C10orf88: variants seen among roughly 807,000 people sequenced by gnomAD.
The protein encoded by C10orf88 is chromosome 10 open reading frame 88, also known as ATPase PAAT.
A neutral mutation model predicts 34.2 loss-of-function variants in C10orf88; 29 were observed. That is an observed-to-expected ratio of 0.85 (90% CI 0.63 to 1.16). The LOEUF is 1.16. Among genes scored for constraint, C10orf88 ranks in the 50% most tolerant of loss-of-function variants. The pLI is 0.00. For missense variants in C10orf88, 507 were observed against 533.2 expected (o/e 0.95, Z 0.48); for synonymous variants, 194 against 197.4 (o/e 0.98, Z 0.15).
intron 5 of C10orf88, among the ~76,000 whole-genome samples, chr10:122,935,504 G>A (rs1848526780): frequency 6.6e-6 from 1 of 151,992 alleles, no homozygotes; most frequent in African/African-American, 2.4e-5. Flanking sequence ...CTATGCCTCT[G>A]ACAATAACAC....
chr10:122,939,130 A>C (rs571982292), intron 4 of C10orf88, among the ~76,000 whole-genome samples: 13 of 152,138 alleles, frequency 8.5e-5, no homozygotes, highest in African/African-American at 2.6e-4. Flanking sequence ...AACAACATTA[A>C]TTTATTCAAC....
chr10:122,948,503 A>T, intron 4 of C10orf88, 146 bp downstream of exon 4: 1 of 741,216 alleles, frequency 1.3e-6, no homozygotes, highest in Non-Finnish European at 2.1e-6. Flanking sequence ...AGAAGGGCAA[A>T]TCTAACAAAT....
At chr10:122,949,844 T>A (rs1210834130) in intron 3 of C10orf88, among the ~76,000 whole-genome samples, 1 of 152,178 alleles carries the variant, frequency 6.6e-6, no homozygotes, top group Admixed American at 6.5e-5. Flanking sequence ...TAAAATGCAA[T>A]CCTTTCAAAT....
intron 4 of C10orf88, among the ~76,000 whole-genome samples, chr10:122,945,360 T>A (rs935448787): frequency 6.6e-6 from 1 of 152,218 alleles, no homozygotes; most frequent in African/African-American, 2.4e-5. Context: ...TGTTGCTGGT[T>A]TATGTATTTA....
Position 122,949,985 on chromosome 10 carries a change from T to C in C10orf88, c.442-1130A>G, listed in dbSNP as rs115146650. On this transcript the variant is annotated intron_variant, in intron 3 of 5. Coordinates refer to ENST00000481909, the MANE Select transcript of C10orf88 (RefSeq NM_024942.4). ...ATTAGTAAAGAACCAGCTTGAAACC[T>C]ATCTCTTCTGGCTTCTATCCCTGTA... 4.8e-3 allele frequency among the ~76,000 whole-genome samples: 735 copies of C among 152,350 alleles called. 8 individuals are homozygous for C. Among genetic ancestry groups the C allele is most frequent in the African/African-American group, 0.017 (695 of 41,588 alleles).
chr10:122,943,468 G>A (rs1242912979), intron 4 of C10orf88, among the ~76,000 whole-genome samples: 2 of 149,778 alleles, frequency 1.3e-5, no homozygotes, highest in Non-Finnish European at 3.0e-5. Flanking sequence ...GCATGGGCAA[G>A]GACTTCATGT....
At chr10:122,941,992 T>A (rs1344318589) in intron 4 of C10orf88, among the ~76,000 whole-genome samples, 1 of 152,118 alleles carries the variant, frequency 6.6e-6, no homozygotes, top group Non-Finnish European at 1.5e-5. Flanking sequence ...AAAACATTTT[T>A]AATTTTTACC....
At position 122,952,869 on chromosome 10, in the gene C10orf88, T is replaced by G. The variant is rs1848704168; in HGVS notation, c.328A>C (p.Thr110Pro). ...EVYLGEEYCG[T>P]SRGKNVCTVL... is the part of the protein sequence containing the mutation. ...GTACAAACATTCTTGCCCCTACTGG[T>G]TCCACAGTACTCCTCTCCTAAGTAC... is the stretch of plus-strand genomic sequence containing the variant. Residue 110 changes from threonine to proline, a missense_variant, in exon 2 of 6, where the codon ACC (threonine) becomes CCC (proline). Transcript: ENST00000481909. 6.2e-7 allele frequency: 1 copy of G among 1,614,130 alleles called. No homozygotes were observed. Among genetic ancestry groups the G allele is most frequent in the Non-Finnish European group, 8.5e-7 (1 of 1,179,994 alleles).
At chr10:122,948,883 G>A in intron 3 of C10orf88, 28 bp from the exon 4 acceptor site, 1 of 1,576,188 alleles carries the variant, frequency 6.3e-7, no homozygotes, top group Non-Finnish European at 8.6e-7. Context: ...TTCCAGAAAA[G>A]AATGATATTA....
chr10:122,945,911 A>G (rs1455086824), intron 4 of C10orf88, among the ~76,000 whole-genome samples: 1 of 152,110 alleles, frequency 6.6e-6, no homozygotes, highest in Non-Finnish European at 1.5e-5. Context: ...AGCCTGGCCA[A>G]CATGGTGAAA....
At chr10:122,949,331 A>G (rs1018384832) in intron 3 of C10orf88, among the ~76,000 whole-genome samples, 3 of 152,214 alleles carry the variant, frequency 2.0e-5, no homozygotes, top group African/African-American at 4.8e-5. Flanking sequence ...AATAAAAGTT[A>G]TGTGAATATG....
At chr10:122,947,705 A>G (rs1194141528) in intron 4 of C10orf88, among the ~76,000 whole-genome samples, 1 of 152,136 alleles carries the variant, frequency 6.6e-6, no homozygotes, top group Non-Finnish European at 1.5e-5. Flanking sequence ...CTAAAAGTCA[A>G]TGTTCCCAAA....
chr10:122,945,266 G>A (rs546214827), intron 4 of C10orf88, among the ~76,000 whole-genome samples: 3 of 152,178 alleles, frequency 2.0e-5, no homozygotes, highest in South Asian at 2.1e-4. Context: ...TAAACCAACC[G>A]ATTGCACACT....
chr10:122,937,576 A>G, intron 5 of C10orf88, 129 bp downstream of exon 5: 1 of 722,852 alleles, frequency 1.4e-6, no homozygotes, highest in Non-Finnish European at 2.3e-6. Flanking sequence ...TAATGGTAAA[A>G]TGTAAAAGTT....
Position 122,931,630 on chromosome 10 carries a change from G to C in C10orf88, c.*797C>G, listed in dbSNP as rs1848485487. 1 of 152,122 alleles carries C rather than the reference G, an allele frequency of 6.6e-6. No homozygotes were observed. The highest frequency in any genetic ancestry group is 6.5e-5 in the Admixed American group (1 of 15,274). The allele number at this position is 152,122 out of a possible 1,614,324, so 9.4% of individuals were successfully genotyped here. On this transcript the variant is annotated 3_prime_UTR_variant, in exon 6 of 6. Transcript: ENST00000481909. ...AATTGCAATCCCTTGACTCATATGT[G>C]TTCATCCTTCCATGGAGAGCCTCAT...
At position 122,932,299 on chromosome 10, in the gene C10orf88, G is replaced by A. The variant is rs1256365116; in HGVS notation, c.*128C>T. The A allele has an allele frequency of 1.3e-6, 1 of 745,984 alleles. No individual in the cohort carries two copies. The highest frequency in any genetic ancestry group is 1.8e-5 in the African/African-American group (1 of 56,546). The allele number at this position is 745,984 out of a possible 1,614,324, so 46.2% of individuals were successfully genotyped here. ...CAAGTGTAGTAAAAACGAAAACTGA[G>A]GTCACTTTGTGTAAGACAATGATCC... On this transcript the variant is annotated 3_prime_UTR_variant, in exon 6 of 6. Coordinates refer to ENST00000481909, the MANE Select transcript of C10orf88 (RefSeq NM_024942.4).
intron 1 of C10orf88, 120 bp from the exon 2 acceptor site, chr10:122,953,152 A>G: frequency 2.6e-6 from 2 of 772,876 alleles, no homozygotes; most frequent in Non-Finnish European, 4.3e-6. Flanking sequence ...ATCTCGGCTC[A>G]CTGCACGCTC....
intron 4 of C10orf88, among the ~76,000 whole-genome samples, chr10:122,941,075 TA>T (rs1848576547): frequency 6.6e-6 from 1 of 152,052 alleles, no homozygotes; most frequent in African/African-American, 2.4e-5. Context: ...TCACCTTTAA[TA>T]ATCAGAAAGA....
chr10:122,937,340 A>T (rs1431971982), intron 5 of C10orf88, among the ~76,000 whole-genome samples: 2 of 152,056 alleles, frequency 1.3e-5, no homozygotes, highest in African/African-American at 4.8e-5. Flanking sequence ...TCACAATGAC[A>T]TGCTTAACAT....
Sources: gnomAD v4.1 joint callset for allele counts (sites outside exome capture counted in the v4.1 genomes callset) on GRCh38, gnomAD v4.1.1 for gene constraint, MANE v1.5 for transcripts, NCBI Gene and HGNC (gene_info 2026-07-23, HGNC 2026-07-21) for gene names.